ELP1: variants seen among roughly 807,000 people sequenced by gnomAD.
ELP1 encodes the protein elongator complex protein 1.
ELP1 carries 131 observed loss-of-function variants against 183.2 expected under a neutral mutation model. The observed-to-expected ratio is 0.72, with a 90% CI of 0.62 to 0.83. The LOEUF (loss-of-function observed/expected upper bound fraction) is 0.83. Among genes scored for constraint, ELP1 ranks in the 40% least tolerant of loss-of-function variants. The probability of loss-of-function intolerance (pLI) is 0.00; values close to 1 mark genes in which losing one functional copy is unlikely to be tolerated. For missense variants in ELP1, 1,550 were observed against 1,594.9 expected (o/e 0.97, Z 0.48); for synonymous variants, 555 against 569.0 (o/e 0.98, Z 0.35).
At chr9:108,931,299 A>G in intron 1 of ELP1, 98 bp from the exon 2 acceptor site, 3 of 836,388 alleles carry the variant, frequency 3.6e-6, no homozygotes, top group Non-Finnish European at 5.7e-6. Context: ...AATCAGAATA[A>G]CCAAGAAAAG....
rs751489413 is a variant in ELP1 at position 108,891,257 on chromosome 9, C to G, written c.3106G>C (p.Ala1036Pro). 1 of 1,614,092 alleles carries G rather than the reference C, an allele frequency of 6.2e-7. No individual in the cohort carries two copies. The highest frequency in any genetic ancestry group is 8.5e-7 in the Non-Finnish European group (1 of 1,180,038). ...TGGTCTTTGGTAAAGTTAAGCTGGGCTGCCACACAGAGGGCTTGCTTCCAG... is the reference window on the plus strand; with the variant it reads ...TGGTCTTTGGTAAAGTTAAGCTGGGGTGCCACACAGAGGGCTTGCTTCCAG... ...GNWKQALCVA[A>P]QLNFTKDQLV... is the part of the protein sequence containing the mutation. Residue 1036 changes from alanine to proline, a missense_variant, in exon 28 of 37, where the codon GCC becomes CCC. Coordinates refer to ENST00000374647, the MANE Select transcript of ELP1 (RefSeq NM_003640.5).
intron 3 of ELP1, among the ~76,000 whole-genome samples, chr9:108,929,561 G>C (rs1464496831): frequency 6.6e-6 from 1 of 152,188 alleles, no homozygotes; most frequent in Admixed American, 6.5e-5. Context: ...CTGATTAATA[G>C]ATGCAGCAGA....
chr9:108,886,279 C>T (rs1482428792), intron 29 of ELP1, among the ~76,000 whole-genome samples: 2 of 152,122 alleles, frequency 1.3e-5, no homozygotes, highest in African/African-American at 4.8e-5. Context: ...TACATGAAAT[C>T]CTCCAGAAAA....
intron 14 of ELP1, among the ~76,000 whole-genome samples, chr9:108,904,097 G>A (rs2131998127): frequency 6.6e-6 from 1 of 152,264 alleles, no homozygotes; most frequent in South Asian, 2.1e-4. Flanking sequence ...AAAGCAGCTG[G>A]TCTGTAGGAA....
intron 11 of ELP1, 56 bp downstream of exon 11, chr9:108,912,208 A>G: frequency 2.3e-6 from 3 of 1,309,460 alleles, no homozygotes; most frequent in Admixed American, 3.4e-5. Flanking sequence ...CCACATCTGC[A>G]GGCCCTAGGC....
In ELP1 at chr9:108,894,028, C is replaced by A; in HGVS notation, c.2775G>T (p.Lys925Asn). The A allele has an allele frequency of 6.4e-7, 1 of 1,565,146 alleles. No homozygotes were observed. Among genetic ancestry groups the A allele is most frequent in the East Asian group, 2.2e-5 (1 of 44,582 alleles). The change falls in exon 26 of 37, where the codon AAG becomes AAT. Residue 925 changes from lysine (K) to asparagine (N), a missense_variant. Transcript: ENST00000374647. ...ACCGCTGATAATTAGTTTCCATTTT[C>A]TTAAGTGTATTAAGAAATGGAAGAT... Reference protein sequence around the residue: ...KEYLPFLNTLKKMETNYQRFT... With the variant: ...KEYLPFLNTLNKMETNYQRFT...
At chr9:108,887,873 G>A (rs10979590) in intron 29 of ELP1, among the ~76,000 whole-genome samples, 27,334 of 152,104 alleles carry the variant, frequency 0.18, 3,183 homozygotes, top group African/African-American at 0.33. Context: ...AAATGATACG[G>A]CCACTGCAGA....
At chr9:108,914,908 A>G (rs1176047576) in intron 10 of ELP1, among the ~76,000 whole-genome samples, 2 of 152,218 alleles carry the variant, frequency 1.3e-5, no homozygotes, top group East Asian at 3.8e-4. Flanking sequence ...CCCAAAGTGC[A>G]TGAGCCACCG....
chr9:108,871,282 G>A (rs1407204454), intron 36 of ELP1, among the ~76,000 whole-genome samples: 1 of 149,614 alleles, frequency 6.7e-6, no homozygotes, highest in Non-Finnish European at 1.5e-5. Flanking sequence ...GGCTGAATTA[G>A]AGATGTGTGT....
In ELP1 at chr9:108,918,841, A is replaced by G; in HGVS notation, c.710T>C (p.Val237Ala). The G allele has an allele frequency of 6.2e-7, 1 of 1,614,106 alleles. No homozygotes were observed. Among genetic ancestry groups the G allele is most frequent in the Non-Finnish European group, 8.5e-7 (1 of 1,179,982 alleles). Reference sequence around the variant, plus strand: ...AGCCAGGGCTGGTCCCAGTCCTGCCACAGGCTCACTGGTTGACTGCAAAGC... The same window carrying G: ...AGCCAGGGCTGGTCCCAGTCCTGCCGCAGGCTCACTGGTTGACTGCAAAGC... ...EFALQSTSEP[V>A]AGLGPALAWK... Residue 237 changes from valine to alanine, a missense_variant, in exon 8 of 37, where the codon GTG becomes GCG. By Grantham distance (64) the Val-to-Ala change is moderately conservative (BLOSUM62 0). Transcript: ENST00000374647.
At position 108,878,618 on chromosome 9, in the gene ELP1, T is replaced by C. The variant is rs1377880237; in HGVS notation, c.3700+5A>G. ...CAGGAATCATCATCAGGACTGAGAA[T>C]ATACCTTTCAGGTTTTCAGTGTTCT... On this transcript the variant is annotated splice_donor_5th_base_variant and intron_variant, in intron 34 of 36. Coordinates refer to ENST00000374647, the MANE Select transcript of ELP1 (RefSeq NM_003640.5). 43 of 1,614,226 alleles carry C rather than the reference T, an allele frequency of 2.7e-5. No homozygotes were observed. The highest frequency in any genetic ancestry group is 3.6e-5 in the Non-Finnish European group (43 of 1,180,046).
intron 6 of ELP1, 46 bp downstream of exon 6, chr9:108,922,796 T>TA (rs1829691805): frequency 1.4e-6 from 2 of 1,429,270 alleles, no homozygotes; most frequent in Admixed American, 1.7e-5. Flanking sequence ...GTGGCAAACT[T>TA]ACATTTGTTC....
Position 108,881,692 on chromosome 9 carries a change from A to G in ELP1, c.3346+13T>C, listed in dbSNP as rs749254784. 2.0e-6 allele frequency: 3 copies of G among 1,527,748 alleles called. No homozygotes were observed. Among genetic ancestry groups the G allele is most frequent in the Admixed American group, 1.7e-5 (1 of 59,880 alleles). 94.6% of individuals were successfully genotyped at this position (1,527,748 alleles called of 1,614,324 possible). ...TTCCAAATGAGGAATTCTATCTAAA[A>G]TGGAACCCTCACCTTCTAAAATGGA... On this transcript the variant is annotated intron_variant, in intron 31 of 36. Coordinates refer to ENST00000374647, the MANE Select transcript of ELP1 (RefSeq NM_003640.5).
intron 6 of ELP1, among the ~76,000 whole-genome samples, chr9:108,921,417 T>C (rs1212799142): frequency 6.6e-6 from 1 of 152,240 alleles, no homozygotes; most frequent in African/African-American, 2.4e-5. Flanking sequence ...GGTTTACCCA[T>C]GTCATAACAT....
intron 36 of ELP1, among the ~76,000 whole-genome samples, chr9:108,872,292 C>G (rs1342285495): frequency 6.6e-6 from 1 of 152,150 alleles, no homozygotes; most frequent in East Asian, 1.9e-4. Context: ...CAGGAGGTAG[C>G]TACAAAATTA....
At chr9:108,890,174 G>C (rs1828270537) in intron 28 of ELP1, among the ~76,000 whole-genome samples, 1 of 152,150 alleles carries the variant, frequency 6.6e-6, no homozygotes, top group Non-Finnish European at 1.5e-5. Flanking sequence ...TTCTAAAGCA[G>C]AAAGGAACAA....
At chr9:108,927,081 C>T (rs187293172) in intron 4 of ELP1, among the ~76,000 whole-genome samples, 107 of 152,206 alleles carry the variant, frequency 7.0e-4, no homozygotes, top group Non-Finnish European at 1.2e-3. Flanking sequence ...GCAGCCTCCC[C>T]AAGTTTTATG....
At chr9:108,877,570 T>A (rs1827749032) in intron 35 of ELP1, among the ~76,000 whole-genome samples, 1 of 152,124 alleles carries the variant, frequency 6.6e-6, no homozygotes, top group Non-Finnish European at 1.5e-5. Context: ...AACATAGAAG[T>A]GACAAGTCAA....
chr9:108,932,766 G>A (rs1830040038), intron 1 of ELP1, among the ~76,000 whole-genome samples: 1 of 151,996 alleles, frequency 6.6e-6, no homozygotes, highest in Non-Finnish European at 1.5e-5. Flanking sequence ...TCCAGGCTAG[G>A]AAAGGAATAT....
Sources: gnomAD v4.1 joint callset for allele counts (sites outside exome capture counted in the v4.1 genomes callset) on GRCh38, gnomAD v4.1.1 for gene constraint, MANE v1.5 for transcripts, NCBI Gene and HGNC (gene_info 2026-07-23, HGNC 2026-07-21) for gene names.